The following MRC1 variants were observed in gnomAD, a reference collection of about 807,000 sequenced individuals.
The protein encoded by MRC1 is macrophage mannose receptor 1.
In MRC1, 62 loss-of-function variants were observed where a neutral mutation model predicts 102.9. The observed-to-expected ratio is 0.60, with a 90% confidence interval of 0.49 to 0.74. The LOEUF is 0.74. Ranked by LOEUF, MRC1 falls within the 30% of genes least tolerant of loss-of-function variation. MRC1 has a pLI of 0.00. For missense variants in MRC1, 1,237 were observed against 862.8 expected, an observed-to-expected ratio of 1.43 and a Z score of -5.43; for synonymous variants, 457 against 298.4, an observed-to-expected ratio of 1.53 and a Z score of -5.48.
chr10:17,810,479 T>A (rs1265372761), intron 1 of MRC1, among the ~76,000 whole-genome samples: 3 of 152,196 alleles, frequency 2.0e-5, no homozygotes, highest in African/African-American at 7.2e-5. Flanking sequence ...TGTTAAATCA[T>A]AAGTATTGAG....
chr10:17,887,075 C>T (rs1000699347), intron 22 of MRC1, among the ~76,000 whole-genome samples: 1 of 152,152 alleles, frequency 6.6e-6, no homozygotes, highest in Non-Finnish European at 1.5e-5. Flanking sequence ...TGGAGCCAGA[C>T]AGCAGCCCAT....
intron 10 of MRC1, among the ~76,000 whole-genome samples, chr10:17,862,639 C>T (rs1399240988): frequency 1.7e-4 from 26 of 152,126 alleles, no homozygotes; most frequent in African/African-American, 6.0e-4. Context: ...GCAACTAAAT[C>T]GAGTTTGGAA....
Position 17,885,364 on chromosome 10 carries a change from C to T in MRC1, c.3076C>T (p.Arg1026Ter). 1.3e-6 allele frequency: 1 copy of T among 780,778 alleles called. No individual in the cohort carries two copies. The allele number at this position is 780,778 out of a possible 1,614,324, so 48.4% of individuals were successfully genotyped here. A position where few individuals can be genotyped will look rare whatever the true frequency, so the allele number is the denominator to read the frequency against. Residue 1026 changes from arginine (R) to a stop codon, truncating the protein, a stop_gained, in exon 22 of 30, where the codon CGA becomes TGA. Coordinates refer to ENST00000569591, the MANE Select transcript of MRC1 (RefSeq NM_002438.4). LOFTEE classifies it high-confidence loss of function. ...ACACACGTTCCTTTGGACGGATGGACGAGGAGTCCATTACACAAACTGGGG... is the reference window on the plus strand; with the variant it reads ...ACACACGTTCCTTTGGACGGATGGATGAGGAGTCCATTACACAAACTGGGG... Reference protein sequence around the residue: ...SEHTFLWTDGRGVHYTNWGKG... With the variant: ...SEHTFLWTDG
intron 22 of MRC1, 53 bp from the exon 23 acceptor site, chr10:17,894,157 C>T: frequency 1.2e-6 from 1 of 864,632 alleles, no homozygotes; most frequent in Non-Finnish European, 2.0e-6. Flanking sequence ...GAATTGATTT[C>T]AATAGTCGTT....
intron 3 of MRC1, 146 bp downstream of exon 3, chr10:17,827,861 T>C: frequency 1.5e-6 from 1 of 661,076 alleles, no homozygotes; most frequent in South Asian, 1.8e-5. Context: ...TTACAGACGT[T>C]ATTATTTCCA....
At chr10:17,850,201 T>C (rs1200175872) in intron 7 of MRC1, among the ~76,000 whole-genome samples, 1 of 152,030 alleles carries the variant, frequency 6.6e-6, no homozygotes, top group East Asian at 1.9e-4. Flanking sequence ...GATTTCTTTT[T>C]TCTTTGTGAA....
intron 12 of MRC1, 92 bp downstream of exon 12, chr10:17,866,853 A>C: frequency 1.3e-6 from 1 of 764,276 alleles, no homozygotes; most frequent in South Asian, 1.4e-5. Context: ...CAAAAACCAA[A>C]ACACTCTGCC....
chr10:17,862,399 T>G (rs1358905301), intron 10 of MRC1, among the ~76,000 whole-genome samples: 2 of 152,196 alleles, frequency 1.3e-5, no homozygotes, highest in African/African-American at 4.8e-5. Flanking sequence ...TTATCTTCTG[T>G]GAGGGAGGTA....
intron 22 of MRC1, among the ~76,000 whole-genome samples, chr10:17,890,396 C>A (rs1188224964): frequency 6.6e-6 from 1 of 152,282 alleles, no homozygotes; most frequent in South Asian, 2.1e-4. Context: ...GTCATTATTG[C>A]TTCAAATTAT....
chr10:17,852,986 G>A lies in MRC1; in HGVS notation c.1269G>A (p.Trp423Ter). ...QLGYEPNDEL[W>*]IGLNDIKIQM... Reference sequence around the variant, plus strand: ...GTTTAGAGCCAAATGACGAATTGTGGATCGGCTTAAATGACATTAAGATTC... The same window carrying A: ...GTTTAGAGCCAAATGACGAATTGTGAATCGGCTTAAATGACATTAAGATTC... Residue 423 changes from tryptophan to a stop codon, truncating the protein, a stop_gained, in exon 8 of 30, where the codon TGG (tryptophan) becomes TGA (stop). Transcript: ENST00000569591. LOFTEE classifies it high-confidence loss of function. The A allele has an allele frequency of 1.3e-6, 1 of 780,814 alleles. No homozygotes were observed. Among genetic ancestry groups the A allele is most frequent in the Non-Finnish European group, 2.4e-6 (1 of 417,950 alleles). The allele number at this position is 780,814 out of a possible 1,614,324, so 48.4% of individuals were successfully genotyped here.
rs1838188711 is a variant in MRC1, at chr10:17,809,414, C to T, written c.-52C>T. 1.1e-6 allele frequency: 1 copy of T among 871,524 alleles called. No individual in the cohort carries two copies. The highest frequency in any genetic ancestry group is 1.3e-5 in the South Asian group (1 of 76,510). 54.0% of individuals were successfully genotyped at this position (871,524 alleles called of 1,614,324 possible). On this transcript the variant is annotated 5_prime_UTR_variant, in exon 1 of 30. Transcript: ENST00000569591. Reference sequence around the variant, plus strand: ...GTTGGGGGGCCTCGTTGTTTTGCGTCTTAGTTCCGCCCTCCTGTCCATCAG... The same window carrying T: ...GTTGGGGGGCCTCGTTGTTTTGCGTTTTAGTTCCGCCCTCCTGTCCATCAG...
intron 26 of MRC1, 95 bp downstream of exon 26, chr10:17,902,217 C>T: frequency 1.5e-6 from 1 of 666,328 alleles, no homozygotes; most frequent in South Asian, 1.9e-5. Flanking sequence ...GTAAAAATAC[C>T]TGTTTATATT....
intron 1 of MRC1, among the ~76,000 whole-genome samples, chr10:17,818,111 T>G (rs1838340049): frequency 6.6e-6 from 1 of 152,218 alleles, no homozygotes; most frequent in Admixed American, 6.5e-5. Context: ...ACAGAACCTT[T>G]TCATTTCCAA....
At chr10:17,858,558 G>C (rs1440865699) in intron 9 of MRC1, among the ~76,000 whole-genome samples, 3 of 152,136 alleles carry the variant, frequency 2.0e-5, no homozygotes, top group Admixed American at 6.5e-5. Context: ...CATGATATTA[G>C]CTCACTGCAA....
intron 26 of MRC1, among the ~76,000 whole-genome samples, chr10:17,906,272 C>G (rs1054439352): frequency 6.7e-6 from 1 of 149,586 alleles, no homozygotes; most frequent in Non-Finnish European, 1.5e-5. Flanking sequence ...AATCTCTGGT[C>G]TTCTGCAACG....
intron 2 of MRC1, among the ~76,000 whole-genome samples, chr10:17,825,047 A>G (rs930824157): frequency 3.9e-4 from 59 of 152,178 alleles, no homozygotes; most frequent in Admixed American, 1.2e-3. Flanking sequence ...ATTCTGTGGC[A>G]TAGGGTCTAT....
chr10:17,861,507 G>A lies in MRC1; in HGVS notation c.1634+5G>A. 1 of 862,566 alleles carries A rather than the reference G, an allele frequency of 1.2e-6. No individual in the cohort carries two copies. Among genetic ancestry groups the A allele is most frequent in the Non-Finnish European group, 2.0e-6 (1 of 495,138 alleles). 53.4% of individuals were successfully genotyped at this position (862,566 alleles called of 1,614,324 possible). On this transcript the variant is annotated splice_donor_5th_base_variant and intron_variant, in intron 10 of 29. Coordinates refer to ENST00000569591, the MANE Select transcript of MRC1 (RefSeq NM_002438.4). ...TTTAACAACTATTGAAGACAGGTAT[G>A]TAACTATTTTAATTTCATTTTAAAA... is the stretch of plus-strand genomic sequence containing the variant.
intron 6 of MRC1, among the ~76,000 whole-genome samples, chr10:17,847,343 C>T (rs1482674781): frequency 6.6e-5 from 10 of 152,156 alleles, no homozygotes; most frequent in Non-Finnish European, 1.3e-4. Context: ...GTTCATGACT[C>T]TTCTTCCTGA....
chr10:17,866,505 C>T (rs949513714), intron 11 of MRC1, 57 bp from the exon 12 acceptor site: 112 of 780,656 alleles, frequency 1.4e-4, no homozygotes, highest in African/African-American at 3.4e-4. Flanking sequence ...TCTGTGAGCA[C>T]GGCAGGCCTT....
Sources: allele counts gnomAD v4.1 joint callset (sites outside exome capture counted in the v4.1 genomes callset), GRCh38; gene constraint gnomAD v4.1.1; transcripts MANE v1.5; gene names NCBI Gene and HGNC (gene_info 2026-07-23, HGNC 2026-07-21).